The following SLC9A9 variants were observed in gnomAD, a reference collection of about 807,000 sequenced individuals.
SLC9A9 encodes the protein sodium/hydrogen exchanger 9.
SLC9A9 carries 62 observed loss-of-function variants against 77.8 expected under a neutral mutation model. That is an observed-to-expected ratio of 0.80 (90% CI 0.65 to 0.98). The LOEUF (loss-of-function observed/expected upper bound fraction) is 0.98, where lower values mean the gene tolerates loss of function less well. SLC9A9 is among the 50% of genes least tolerant of loss of function. The probability of loss-of-function intolerance (pLI) is 0.00; values close to 1 mark genes in which losing one functional copy is unlikely to be tolerated. For synonymous variants in SLC9A9, 320 were observed against 283.5 expected (o/e 1.13, Z -1.29); for missense variants, 775 against 774.9 (o/e 1.00, Z 0.00).
intron 5 of SLC9A9, among the ~76,000 whole-genome samples, chr3:143,682,133 T>C (rs1378595089): frequency 1.3e-5 from 2 of 152,194 alleles, no homozygotes; most frequent in Non-Finnish European, 2.9e-5. Context: ...TCACCAGGAC[T>C]CAGCTGCATA....
At chr3:143,576,718 T>C (rs1217784282) in intron 7 of SLC9A9, among the ~76,000 whole-genome samples, 1 of 152,172 alleles carries the variant, frequency 6.6e-6, no homozygotes, top group Non-Finnish European at 1.5e-5. Context: ...CTTTCTAAGC[T>C]TCACATCCAA....
intron 12 of SLC9A9, among the ~76,000 whole-genome samples, chr3:143,414,368 T>C (rs542541396): frequency 6.6e-6 from 1 of 152,344 alleles, no homozygotes; most frequent in East Asian, 1.9e-4. Flanking sequence ...CTTTATTAAG[T>C]TTTGTTTTCT....
chr3:143,762,526 T>C (rs1461546475), intron 4 of SLC9A9, among the ~76,000 whole-genome samples: 1 of 152,156 alleles, frequency 6.6e-6, no homozygotes, highest in Admixed American at 6.6e-5. Flanking sequence ...AAATAAATCT[T>C]TGTAATGGGT....
intron 6 of SLC9A9, among the ~76,000 whole-genome samples, chr3:143,593,165 C>T (rs1019810280): frequency 3.3e-5 from 5 of 152,126 alleles, no homozygotes; most frequent in African/African-American, 7.2e-5. Context: ...AGGTAAGGTA[C>T]GGGCCAGAAG....
chr3:143,316,819 C>T (rs914596317), intron 14 of SLC9A9, among the ~76,000 whole-genome samples: 3 of 152,060 alleles, frequency 2.0e-5, no homozygotes, highest in Non-Finnish European at 4.4e-5. Flanking sequence ...AGACGTTTTA[C>T]CAGGGTTACT....
chr3:143,844,758 TTTCTTTC>T (rs2009793024), intron 1 of SLC9A9, among the ~76,000 whole-genome samples: 2 of 149,496 alleles, frequency 1.3e-5, no homozygotes, highest in South Asian at 4.3e-4. Context: ...TCTTTCTTTC[TTTCTTTC>T]TTTCTTTCTT....
At chr3:143,612,196 T>C (rs563993255) in intron 6 of SLC9A9, among the ~76,000 whole-genome samples, 12 of 152,364 alleles carry the variant, frequency 7.9e-5, no homozygotes, top group African/African-American at 2.9e-4. Flanking sequence ...GTGATTGCCA[T>C]TGTCAGTGTC....
chr3:143,555,042 C>CT (rs1461990605), intron 8 of SLC9A9, among the ~76,000 whole-genome samples: 1 of 152,136 alleles, frequency 6.6e-6, no homozygotes, highest in Non-Finnish European at 1.5e-5. Context: ...GCTGTGTCCC[C>CT]ACCCAAATCT....
At chr3:143,847,921 G>A in intron 1 of SLC9A9, 1 of 583,022 alleles carries the variant, frequency 1.7e-6, no homozygotes, top group Non-Finnish European at 3.1e-6. Flanking sequence ...CTTGCATTAT[G>A]TGCCGTGTGA....
intron 2 of SLC9A9, among the ~76,000 whole-genome samples, chr3:143,799,228 A>G (rs892354697): frequency 2.6e-5 from 4 of 151,758 alleles, no homozygotes; most frequent in African/African-American, 9.7e-5. Flanking sequence ...AACAACCCTT[A>G]GATGCTTTAC....
At chr3:143,280,160 G>A (rs2108405364) in intron 14 of SLC9A9, among the ~76,000 whole-genome samples, 1 of 151,196 alleles carries the variant, frequency 6.6e-6, no homozygotes, top group East Asian at 1.9e-4. Flanking sequence ...CCGGTCCCTG[G>A]GTGTTCTTGA....
At chr3:143,556,197 G>T (rs1483665925) in intron 8 of SLC9A9, among the ~76,000 whole-genome samples, 1 of 152,164 alleles carries the variant, frequency 6.6e-6, no homozygotes, top group Admixed American at 6.5e-5. Flanking sequence ...GTTATGTGAG[G>T]TCCTAGATAG....
chr3:143,590,555 G>A (rs1576595805), intron 6 of SLC9A9, among the ~76,000 whole-genome samples: 4 of 152,186 alleles, frequency 2.6e-5, no homozygotes, highest in Admixed American at 2.6e-4. Context: ...TAGAGCAGAA[G>A]GCTACTGGGA....
At chr3:143,392,560 A>T (rs2033599685) in intron 12 of SLC9A9, among the ~76,000 whole-genome samples, 2 of 152,188 alleles carry the variant, frequency 1.3e-5, no homozygotes, top group Non-Finnish European at 2.9e-5. Flanking sequence ...CAAAATAACC[A>T]GCTAACATCA....
chr3:143,664,394 A>G (rs58610638), intron 5 of SLC9A9, among the ~76,000 whole-genome samples: 265 of 152,360 alleles, frequency 1.7e-3, no homozygotes, highest in African/African-American at 6.0e-3. Context: ...TGTAAAGACC[A>G]TCGATGCTAG....
chr3:143,841,860 TCTCCTGC>T (rs2009715503), intron 1 of SLC9A9, among the ~76,000 whole-genome samples: 1 of 151,876 alleles, frequency 6.6e-6, no homozygotes, highest in Non-Finnish European at 1.5e-5. Context: ...TTCAAGCAAT[TCTCCTGC>T]CTCGGCCTCC....
At chr3:143,773,930 G>A (rs1335201318) in intron 4 of SLC9A9, among the ~76,000 whole-genome samples, 2 of 152,096 alleles carry the variant, frequency 1.3e-5, no homozygotes, top group Non-Finnish European at 2.9e-5. Context: ...ACTCAGTAGG[G>A]GTTTTACAAA....
chr3:143,507,008 A>T (rs1187283567), intron 9 of SLC9A9, among the ~76,000 whole-genome samples: 1 of 152,026 alleles, frequency 6.6e-6, no homozygotes, highest in Admixed American at 6.5e-5. Flanking sequence ...AAAGGTTAAC[A>T]GTCCCTTTTC....
intron 5 of SLC9A9, among the ~76,000 whole-genome samples, chr3:143,692,531 G>C (rs1576663089): frequency 6.6e-6 from 1 of 152,104 alleles, no homozygotes; most frequent in South Asian, 2.1e-4. Flanking sequence ...AATTGCTGAA[G>C]GGCATATGCC....
Sources: allele counts gnomAD v4.1 joint callset (sites outside exome capture counted in the v4.1 genomes callset), GRCh38; gene constraint gnomAD v4.1.1; transcripts MANE v1.5; gene names NCBI Gene and HGNC (gene_info 2026-07-23, HGNC 2026-07-21).